The following MARCHF8 variants were observed in gnomAD, a reference collection of about 807,000 sequenced individuals.
MARCHF8 encodes E3 ubiquitin-protein ligase MARCHF8.
Under a neutral mutation model 51.6 loss-of-function variants are expected in MARCHF8, and 40 were observed. That is an observed-to-expected ratio of 0.77 (90% CI 0.60 to 1.01). The LOEUF (loss-of-function observed/expected upper bound fraction) is 1.01, where lower values mean the gene tolerates loss of function less well. MARCHF8 is among the 50% of genes least tolerant of loss of function. The pLI, the probability that MARCHF8 is intolerant of heterozygous loss-of-function variation, is 0.00. For synonymous variants in MARCHF8, 263 were observed against 280.3 expected, an observed-to-expected ratio of 0.94 and a Z score of 0.62; for missense variants, 685 against 708.6, an observed-to-expected ratio of 0.97 and a Z score of 0.38.
chr10:45,498,813 T>G (rs140716793), intron 2 of MARCHF8, among the ~76,000 whole-genome samples: 1 of 152,266 alleles, frequency 6.6e-6, no homozygotes, highest in Non-Finnish European at 1.5e-5. Flanking sequence ...TGAAACTATA[T>G]GCAATAAATG....
At chr10:45,459,540 A>G (rs964015138) in intron 6 of MARCHF8, among the ~76,000 whole-genome samples, 2 of 152,262 alleles carry the variant, frequency 1.3e-5, no homozygotes, top group African/African-American at 4.8e-5. Context: ...GCAAGCAGAC[A>G]TAAGATGGCC....
intron 1 of MARCHF8, among the ~76,000 whole-genome samples, chr10:45,544,766 C>T (rs1025178271): frequency 6.6e-6 from 1 of 152,130 alleles, no homozygotes. Flanking sequence ...AACTGGATTA[C>T]AATGACACTG....
chr10:45,558,445 G>C lies in MARCHF8; in HGVS notation c.-78-25156C>G, dbSNP rs898457390. On this transcript the variant is annotated intron_variant, in intron 1 of 6. Coordinates refer to the MARCHF8 transcript ENST00000319836. ...GGTATTGTGTGATTTGTTCTAAGAA[G>C]AACAATCAAATTAAAGGCATTCTCA... Among the ~76,000 whole-genome samples the C allele has an allele frequency of 3.9e-5, 6 of 152,192 alleles. 1 individual carries two copies. Among genetic ancestry groups the C allele is most frequent in the South Asian group, 4.1e-4 (2 of 4,832 alleles).
chr10:45,458,487 C>T lies in MARCHF8; in HGVS notation c.1474G>A (p.Gly492Arg), dbSNP rs552902699. ...KLVVVAIGFTGGLLFMYVQCK... is the reference protein window; with the variant it reads ...KLVVVAIGFTRGLLFMYVQCK... ...TGAACATACATAAAAAGAAGTCCTC[C>T]GGTGAAGCCGATGGCCACAACCACC... The change falls in exon 8 of 8, where the codon GGA (glycine) becomes AGA (arginine). Residue 492 changes from glycine to arginine, a missense_variant. Gly to Arg is a moderately radical substitution (Grantham distance 125). Coordinates refer to ENST00000453424, the MANE Select transcript of MARCHF8 (RefSeq NM_001282866.2). The T allele has an allele frequency of 3.9e-5, 63 of 1,612,000 alleles. No homozygotes were observed. The highest frequency in any genetic ancestry group is 5.5e-5 in the South Asian group (5 of 90,228).
chr10:45,515,333 A>G (rs1245345679), intron 2 of MARCHF8, among the ~76,000 whole-genome samples: 3 of 152,120 alleles, frequency 2.0e-5, no homozygotes, highest in Admixed American at 6.5e-5. Flanking sequence ...CACTGCTGCA[A>G]TGTTTTCTCT....
Position 45,498,624 on chromosome 10 carries a change from C to T in MARCHF8, c.103-9207G>A, listed in dbSNP as rs574988721. Among the ~76,000 whole-genome samples the T allele has an allele frequency of 3.3e-5, 5 of 152,220 alleles. No individual in the cohort carries two copies. The South Asian group carries it at 1.0e-3, about 32-fold the overall frequency. On this transcript the variant is annotated intron_variant, in intron 2 of 7. Transcript: ENST00000453424. ...CCAAGTAGCTGGGATTACAGGTATA[C>T]ACCACTACATCCAGCTAATTTTTGT...
intron 1 of MARCHF8, among the ~76,000 whole-genome samples, chr10:45,541,513 T>TACATATGTAACAAACCTGCAC (rs1230239665): frequency 1.3e-5 from 2 of 152,296 alleles, no homozygotes; most frequent in Non-Finnish European, 2.9e-5. Flanking sequence ...GGCACATGTA[T>TACATATGTAACAAACCTGCAC]ACATATGTAA....
At chr10:45,489,656 T>C (rs907711429) in intron 2 of MARCHF8, among the ~76,000 whole-genome samples, 16 of 152,216 alleles carry the variant, frequency 1.1e-4, no homozygotes, top group Middle Eastern at 3.2e-3. Context: ...GATTTAATTT[T>C]TTATTATCAG....
intron 1 of MARCHF8, among the ~76,000 whole-genome samples, chr10:45,588,133 TAATA>T (rs916892148): frequency 2.0e-5 from 3 of 150,804 alleles, no homozygotes; most frequent in African/African-American, 4.9e-5. Flanking sequence ...CCTTACATGC[TAATA>T]AATATATTTT....
intron 1 of MARCHF8, among the ~76,000 whole-genome samples, chr10:45,560,846 G>C (rs1454354979): frequency 6.6e-6 from 1 of 152,162 alleles, no homozygotes; most frequent in African/African-American, 2.4e-5. Context: ...CTTGTGATCT[G>C]AAAATAAACA....
At chr10:45,571,485 C>T (rs1331994978) in intron 1 of MARCHF8, among the ~76,000 whole-genome samples, 1 of 152,114 alleles carries the variant, frequency 6.6e-6, no homozygotes, top group Non-Finnish European at 1.5e-5. Flanking sequence ...TCTTTTTGGA[C>T]TCAGCCCACC....
In MARCHF8 at chr10:45,475,114, C is replaced by T. The variant is rs185791429; in HGVS notation, c.154-10787G>A. 4.0e-4 allele frequency among the ~76,000 whole-genome samples: 61 copies of T among 152,356 alleles called. 1 individual carries two copies. Among genetic ancestry groups the T allele is most frequent in the African/African-American group, 1.2e-3 (51 of 41,584 alleles). Reference sequence around the variant, plus strand: ...GGAACCCCACTGATATTCCTCACCACAGCCATTGCAGCAGCTAGCTGCTGC... The same window carrying T: ...GGAACCCCACTGATATTCCTCACCATAGCCATTGCAGCAGCTAGCTGCTGC... On this transcript the variant is annotated intron_variant, in intron 3 of 7. Coordinates refer to ENST00000453424, the MANE Select transcript of MARCHF8 (RefSeq NM_001282866.2).
chr10:45,495,874 A>C (rs1442971195), intron 2 of MARCHF8, among the ~76,000 whole-genome samples: 3 of 151,856 alleles, frequency 2.0e-5, no homozygotes, highest in African/African-American at 2.4e-5. Flanking sequence ...AAGAGAGAAA[A>C]GAAAAGAAAA....
At chr10:45,529,847 TAAACTAGTAC>T (rs2043848956) in intron 2 of MARCHF8, among the ~76,000 whole-genome samples, 1 of 152,192 alleles carries the variant, frequency 6.6e-6, no homozygotes, top group African/African-American at 2.4e-5. Flanking sequence ...GTTGGGAGTG[TAAACTAGTAC>T]AGCTGCTATG....
intron 1 of MARCHF8, among the ~76,000 whole-genome samples, chr10:45,549,092 C>G (rs1265108690): frequency 6.6e-6 from 1 of 152,106 alleles, no homozygotes; most frequent in Non-Finnish European, 1.5e-5. Context: ...TGTCTGATCC[C>G]TATAGATAAC....
At chr10:45,497,722 AATTT>A (rs949799560) in intron 2 of MARCHF8, among the ~76,000 whole-genome samples, 5 of 152,334 alleles carry the variant, frequency 3.3e-5, no homozygotes, top group African/African-American at 1.2e-4. Flanking sequence ...AAAACTAGAA[AATTT>A]ATTTGAGATT....
chr10:45,459,146 TCAG>T lies in MARCHF8; in HGVS notation c.1388_1390del (p.Ala463del). 6.2e-7 allele frequency: 1 copy of T among 1,614,034 alleles called. No individual in the cohort carries two copies. Among genetic ancestry groups the T allele is most frequent in the Non-Finnish European group, 8.5e-7 (1 of 1,179,984 alleles). ...TGTTGCCTGCCCCTGCTTGATCTCC[TCAG>T]CAGTACGGTCAATGAGCACATACAA... On this transcript the variant is annotated inframe_deletion, in exon 7 of 8. Transcript: ENST00000453424.
At chr10:45,495,395 C>G (rs2043154755) in intron 2 of MARCHF8, among the ~76,000 whole-genome samples, 1 of 151,732 alleles carries the variant, frequency 6.6e-6, no homozygotes, top group Admixed American at 6.6e-5. Context: ...CAGCTAGATT[C>G]CTGCATCTGT....
At chr10:45,546,250 T>C (rs1369048282) in intron 1 of MARCHF8, among the ~76,000 whole-genome samples, 1 of 152,000 alleles carries the variant, frequency 6.6e-6, no homozygotes, top group Non-Finnish European at 1.5e-5. Flanking sequence ...AACCTCCACC[T>C]TCCTGGTTCA....
Sources: allele counts gnomAD v4.1 joint callset (sites outside exome capture counted in the v4.1 genomes callset), GRCh38; gene constraint gnomAD v4.1.1; transcripts MANE v1.5; gene names NCBI Gene and HGNC (gene_info 2026-07-23, HGNC 2026-07-21).